Variants in ERC1 observed in about 807,000 individuals in gnomAD.
ERC1 encodes ELKS/RAB6-interacting/CAST family member 1.
Under a neutral mutation model 132.0 loss-of-function variants are expected in ERC1, and 56 were observed. That is an observed-to-expected ratio of 0.42 (90% CI 0.34 to 0.53). ERC1 has a LOEUF of 0.53. Among genes scored for constraint, ERC1 ranks in the 20% least tolerant of loss-of-function variants. The probability of loss-of-function intolerance (pLI) is 0.03; values close to 1 mark genes in which losing one functional copy is unlikely to be tolerated. For synonymous variants in ERC1, 478 were observed against 476.1 expected, an observed-to-expected ratio of 1.00 and a Z score of -0.05; for missense variants, 1,202 against 1,349.9, an observed-to-expected ratio of 0.89 and a Z score of 1.72.
At chr12:1,153,687 G>A (rs1047954100) in intron 8 of ERC1, among the ~76,000 whole-genome samples, 2 of 152,200 alleles carry the variant, frequency 1.3e-5, no homozygotes, top group African/African-American at 4.8e-5. Flanking sequence ...AAAACAAACG[G>A]ATCACTGTGA....
chr12:1,439,903 A>G (rs1184410983), intron 17 of ERC1, among the ~76,000 whole-genome samples: 4 of 152,204 alleles, frequency 2.6e-5, no homozygotes. Context: ...GATAGGGAGA[A>G]AAGGGAAGAG....
chr12:994,435 C>G (rs777722775), intron 1 of ERC1, among the ~76,000 whole-genome samples: 13 of 152,058 alleles, frequency 8.5e-5, no homozygotes, highest in Non-Finnish European at 1.6e-4. Flanking sequence ...GAGTTCAAAT[C>G]CTGGCTTTGC....
chr12:1,349,210 A>G (rs939011790), intron 15 of ERC1, among the ~76,000 whole-genome samples: 1 of 152,212 alleles, frequency 6.6e-6, no homozygotes, highest in Non-Finnish European at 1.5e-5. Flanking sequence ...GAGTCCCAAC[A>G]CTTGTTTTTC....
At chr12:1,002,463 A>T (rs1962582374) in intron 1 of ERC1, among the ~76,000 whole-genome samples, 1 of 151,806 alleles carries the variant, frequency 6.6e-6, no homozygotes, top group Non-Finnish European at 1.5e-5. Flanking sequence ...CTGGGACTAC[A>T]GGTGTGAGCC....
chr12:1,179,833 T>C (rs1395960864), intron 8 of ERC1, among the ~76,000 whole-genome samples: 1 of 152,212 alleles, frequency 6.6e-6, no homozygotes, highest in Non-Finnish European at 1.5e-5. Flanking sequence ...CCATAGTGTC[T>C]GGCATGTAAT....
At chr12:1,291,355 G>A (rs188275311) in intron 15 of ERC1, among the ~76,000 whole-genome samples, 1 of 152,316 alleles carries the variant, frequency 6.6e-6, no homozygotes, top group East Asian at 1.9e-4. Context: ...AAAGCTTGCA[G>A]GTTTAAGTAG....
At chr12:1,396,846 A>AGATG (rs2090583268) in intron 16 of ERC1, among the ~76,000 whole-genome samples, 1 of 152,202 alleles carries the variant, frequency 6.6e-6, no homozygotes, top group Non-Finnish European at 1.5e-5. Context: ...CCTCTGCTGA[A>AGATG]GATGGGTCCA....
intron 15 of ERC1, among the ~76,000 whole-genome samples, chr12:1,369,973 T>TAGTC (rs1179209285): frequency 6.6e-6 from 1 of 152,222 alleles, no homozygotes; most frequent in East Asian, 1.9e-4. Flanking sequence ...AGTAGACAGA[T>TAGTC]AGTCTTCCAG....
chr12:1,184,187 A>C (rs957510809), intron 11 of ERC1, among the ~76,000 whole-genome samples: 15 of 151,688 alleles, frequency 9.9e-5, no homozygotes, highest in African/African-American at 3.6e-4. Context: ...CATATTTTCT[A>C]ATTTAACATA....
intron 15 of ERC1, among the ~76,000 whole-genome samples, chr12:1,338,822 C>G (rs565708784): frequency 6.6e-6 from 1 of 152,266 alleles, no homozygotes; most frequent in Non-Finnish European, 1.5e-5. Context: ...GGCCAACACT[C>G]AGCTCTGATC....
At chr12:1,184,594 AAT>A (rs1443878918) in intron 11 of ERC1, among the ~76,000 whole-genome samples, 1 of 152,244 alleles carries the variant, frequency 6.6e-6, no homozygotes, top group Non-Finnish European at 1.5e-5. Flanking sequence ...GTCTTGAGGT[AAT>A]GATAATTGGA....
Position 1,263,059 on chromosome 12 carries a change from G to A in ERC1, c.2513G>A (p.Arg838Lys). Reference protein sequence around the residue: ...LQDSLRKKDDRIEELEEALRE... With the variant: ...LQDSLRKKDDKIEELEEALRE... ...GACAGTCTCCGTAAGAAGGATGACA[G>A]GATTGAAGAGCTGGAAGAAGCACTA... The change falls in exon 14 of 19, where the codon AGG becomes AAG. Residue 838 changes from arginine (R) to lysine (K), a missense_variant. Transcript: ENST00000360905. The A allele has an allele frequency of 6.2e-7, 1 of 1,614,036 alleles. No individual in the cohort carries two copies. Among genetic ancestry groups the A allele is most frequent in the Non-Finnish European group, 8.5e-7 (1 of 1,179,964 alleles).
chr12:1,298,557 C>T (rs79341593), intron 15 of ERC1, among the ~76,000 whole-genome samples: 1 of 89,518 alleles, frequency 1.1e-5, no homozygotes, highest in Admixed American at 1.1e-4. Context: ...AAAAAAAAAA[C>T]AAACAAACAA....
chr12:1,068,489 A>AG (rs1451608982), intron 2 of ERC1, among the ~76,000 whole-genome samples: 1 of 152,186 alleles, frequency 6.6e-6, no homozygotes, highest in Non-Finnish European at 1.5e-5. Context: ...GGAATTAAAA[A>AG]AAAAAGTAGT....
At chr12:1,054,491 A>G (rs1327092921) in intron 2 of ERC1, among the ~76,000 whole-genome samples, 3 of 151,758 alleles carry the variant, frequency 2.0e-5, no homozygotes, top group Non-Finnish European at 2.9e-5. Context: ...TGGCTACTAG[A>G]TATATTTAAC....
intron 15 of ERC1, among the ~76,000 whole-genome samples, chr12:1,298,260 G>A (rs565297392): frequency 2.0e-5 from 3 of 152,136 alleles, no homozygotes; most frequent in East Asian, 3.9e-4. Flanking sequence ...CCTGAAGAGC[G>A]GCCAGGCACC....
At chr12:1,451,236 A>G (rs1321251399) in intron 18 of ERC1, among the ~76,000 whole-genome samples, 2 of 152,072 alleles carry the variant, frequency 1.3e-5, no homozygotes, top group Non-Finnish European at 2.9e-5. Context: ...TATTTTTCTC[A>G]TATGTTTACC....
In ERC1 at chr12:1,480,563, AAC is replaced by A. The variant is rs2094068714; in HGVS notation, c.3214-9528_3214-9527del. On this transcript the variant is annotated intron_variant, in intron 18 of 18. Transcript: ENST00000360905. ...TTACTGCGTTTGGATTTGTAGTCTT[AAC>A]AAGGCAATAAATGGAAGGGGAAAGA... Among the ~76,000 whole-genome samples, 19 of 152,234 alleles carry A rather than the reference AAC, an allele frequency of 1.2e-4. 1 individual carries two copies. The highest frequency in any genetic ancestry group is 1.2e-3 in the Admixed American group (19 of 15,286).
intron 17 of ERC1, among the ~76,000 whole-genome samples, chr12:1,425,645 C>T (rs551314852): frequency 2.0e-5 from 3 of 152,292 alleles, no homozygotes; most frequent in East Asian, 1.9e-4. Context: ...GATCTGTTTA[C>T]GTCACTTAGA....
Sources: allele counts gnomAD v4.1 joint callset (sites outside exome capture counted in the v4.1 genomes callset), GRCh38; gene constraint gnomAD v4.1.1; transcripts MANE v1.5; gene names NCBI Gene and HGNC (gene_info 2026-07-23, HGNC 2026-07-21).